FBXW7: variants seen among roughly 807,000 people sequenced by gnomAD.
The protein encoded by FBXW7 is F-box and WD repeat domain containing 7.
Under a neutral mutation model 86.3 loss-of-function variants are expected in FBXW7, and 11 were observed. The observed-to-expected ratio is 0.13, with a 90% CI of 0.08 to 0.21. The LOEUF is 0.21. FBXW7 is among the 10% of genes least tolerant of loss of function. The pLI is 1.00. For synonymous variants in FBXW7, 313 were observed against 297.9 expected (o/e 1.05, Z -0.52); for missense variants, 488 against 847.4 (o/e 0.58, Z 5.27).
intron 4 of FBXW7, among the ~76,000 whole-genome samples, chr4:152,373,333 C>T (rs896106171): frequency 2.6e-5 from 4 of 151,916 alleles, no homozygotes; most frequent in African/African-American, 9.7e-5. Context: ...CCAAATCATA[C>T]CTTATTCTAT....
rs575544312 is a variant in FBXW7, at chr4:152,364,045, A to C, written c.502-13921T>G. Among the ~76,000 whole-genome samples the C allele has an allele frequency of 2.0e-5, 3 of 152,352 alleles. No individual in the cohort carries two copies. The South Asian group carries it at 6.2e-4, about 32-fold the overall frequency. On this transcript the variant is annotated intron_variant, in intron 4 of 13. Transcript: ENST00000281708. The stretch of plus-strand genomic sequence containing the variant: ...CTAGAGCCACTGCAGACTTGCAGAA[A>C]GAAGAGACGGACTATGCAGCTAATT...
At chr4:152,351,566 C>CA (rs1160373934) in intron 4 of FBXW7, among the ~76,000 whole-genome samples, 52 of 152,002 alleles carry the variant, frequency 3.4e-4, no homozygotes, top group African/African-American at 1.2e-3. Flanking sequence ...TATAGGTAGC[C>CA]ACGTGTTTCC....
intron 2 of FBXW7, among the ~76,000 whole-genome samples, chr4:152,443,846 CCT>C (rs749102272): frequency 6.6e-6 from 1 of 152,056 alleles, no homozygotes; most frequent in African/African-American, 2.4e-5. Context: ...GCAACTGTTC[CCT>C]GTTTTATTAA....
At chr4:152,375,436 T>C (rs72721609) in intron 4 of FBXW7, among the ~76,000 whole-genome samples, 5,094 of 152,024 alleles carry the variant, frequency 0.034, 242 homozygotes, top group East Asian at 0.18. Context: ...CAGATCACAG[T>C]TTTAAAACGA....
rs1750456410 is a variant in FBXW7 at position 152,535,504 on chromosome 4, T to G, written c.-590A>C. The G allele has an allele frequency of 5.1e-6, 2 of 389,882 alleles. No individual in the cohort carries two copies. Among genetic ancestry groups the G allele is most frequent in the South Asian group, 2.7e-4 (2 of 7,544 alleles). The allele number at this position is 389,882 out of a possible 1,614,324, so 24.2% of individuals were successfully genotyped here. A position where few individuals can be genotyped will look rare whatever the true frequency, so the allele number is the denominator to read the frequency against. ...GGTCCCCGCCCCCCCGGCCGGGGGGTGGTTGCCGAGCTTGGTTGGGGCCCC... is the reference window on the plus strand; with the variant it reads ...GGTCCCCGCCCCCCCGGCCGGGGGGGGGTTGCCGAGCTTGGTTGGGGCCCC... On this transcript the variant is annotated 5_prime_UTR_variant, in exon 1 of 14. Coordinates refer to ENST00000281708, the MANE Select transcript of FBXW7 (RefSeq NM_001349798.2).
intron 2 of FBXW7, among the ~76,000 whole-genome samples, chr4:152,527,454 C>A (rs1749616432): frequency 6.6e-6 from 1 of 152,112 alleles, no homozygotes; most frequent in Non-Finnish European, 1.5e-5. Context: ...AGCATGCAAT[C>A]CTAAAAGGCT....
intron 2 of FBXW7, among the ~76,000 whole-genome samples, chr4:152,432,405 G>A (rs1240218966): frequency 6.6e-6 from 1 of 152,144 alleles, no homozygotes; most frequent in Non-Finnish European, 1.5e-5. Context: ...TTTTTAATTT[G>A]CCTTCAATTA....
chr4:152,397,854 A>G (rs1223269353), intron 4 of FBXW7, among the ~76,000 whole-genome samples: 2 of 151,952 alleles, frequency 1.3e-5, no homozygotes, highest in East Asian at 3.9e-4. Context: ...CTTTGGAGAG[A>G]TAATTCTTTT....
At chr4:152,393,435 T>A (rs1736159728) in intron 4 of FBXW7, among the ~76,000 whole-genome samples, 2 of 152,146 alleles carry the variant, frequency 1.3e-5, no homozygotes, top group Non-Finnish European at 2.9e-5. Flanking sequence ...TTTAATTTTC[T>A]TTTCTATACC....
intron 2 of FBXW7, among the ~76,000 whole-genome samples, chr4:152,437,153 T>C (rs746654171): frequency 2.6e-5 from 4 of 152,206 alleles, no homozygotes; most frequent in Non-Finnish European, 5.9e-5. Context: ...ATTAAGAATA[T>C]CTGTGTTTCA....
chr4:152,356,117 G>A (rs1401355931), intron 4 of FBXW7, among the ~76,000 whole-genome samples: 5 of 151,906 alleles, frequency 3.3e-5, no homozygotes, highest in South Asian at 2.1e-4. Flanking sequence ...CATTATTTCC[G>A]TCTTATATAT....
intron 2 of FBXW7, among the ~76,000 whole-genome samples, chr4:152,493,424 C>T (rs529225363): frequency 6.6e-6 from 1 of 152,144 alleles, no homozygotes; most frequent in Non-Finnish European, 1.5e-5. Flanking sequence ...CTCGGCCTCC[C>T]AAAGTGTTGG....
At chr4:152,335,946 G>A (rs945588703) in intron 7 of FBXW7, among the ~76,000 whole-genome samples, 3 of 152,096 alleles carry the variant, frequency 2.0e-5, no homozygotes, top group Non-Finnish European at 4.4e-5. Flanking sequence ...AGCTTTTTGA[G>A]ATTAATAAAG....
At chr4:152,502,455 C>T (rs147708083) in intron 2 of FBXW7, among the ~76,000 whole-genome samples, 102 of 152,120 alleles carry the variant, frequency 6.7e-4, no homozygotes, top group African/African-American at 2.3e-3. Context: ...AATCTAACAC[C>T]GTACTGCGTT....
At chr4:152,370,414 T>C (rs1159511496) in intron 4 of FBXW7, among the ~76,000 whole-genome samples, 1 of 151,984 alleles carries the variant, frequency 6.6e-6, no homozygotes, top group African/African-American at 2.4e-5. Context: ...GGATAAATAT[T>C]TAACCTTTTC....
chr4:152,392,390 C>T (rs757598147), intron 4 of FBXW7, among the ~76,000 whole-genome samples: 22 of 152,096 alleles, frequency 1.4e-4, no homozygotes, highest in Non-Finnish European at 3.1e-4. Flanking sequence ...CTAAGTAGTA[C>T]CTTCAGGCCA....
At chr4:152,375,394 A>G (rs1441457201) in intron 4 of FBXW7, among the ~76,000 whole-genome samples, 1 of 152,132 alleles carries the variant, frequency 6.6e-6, no homozygotes, top group Non-Finnish European at 1.5e-5. Flanking sequence ...TTATCAAATC[A>G]TACATGTGGG....
chr4:152,366,826 C>T (rs965055353), intron 4 of FBXW7, among the ~76,000 whole-genome samples: 2 of 152,124 alleles, frequency 1.3e-5, no homozygotes, highest in South Asian at 2.1e-4. Flanking sequence ...CACATGCACA[C>T]GTATGTTTAT....
At chr4:152,388,283 CCTAA>C (rs1305266297) in intron 4 of FBXW7, among the ~76,000 whole-genome samples, 1 of 151,976 alleles carries the variant, frequency 6.6e-6, no homozygotes, top group African/African-American at 2.4e-5. Context: ...AAGGGCGGCC[CCTAA>C]CTAAGAGAAA....
Sources: allele counts gnomAD v4.1 joint callset (sites outside exome capture counted in the v4.1 genomes callset), GRCh38; gene constraint gnomAD v4.1.1; transcripts MANE v1.5; gene names NCBI Gene and HGNC (gene_info 2026-07-23, HGNC 2026-07-21).